Variants in IL1RAPL1 observed in about 807,000 individuals in gnomAD.
IL1RAPL1 encodes the protein interleukin-1 receptor accessory protein-like 1.
A neutral mutation model predicts 48.4 loss-of-function variants in IL1RAPL1; 3 were observed. The ratio of observed to expected loss-of-function variants is 0.06; its 90% confidence interval spans 0.03 to 0.16. The LOEUF is 0.16. Among genes scored for constraint, IL1RAPL1 ranks in the 10% least tolerant of loss-of-function variants. The probability of loss-of-function intolerance (pLI) is 1.00; values close to 1 mark genes in which losing one functional copy is unlikely to be tolerated. For missense variants in IL1RAPL1, 349 were observed against 530.6 expected, an observed-to-expected ratio of 0.66 and a Z score of 3.36; for synonymous variants, 185 against 187.7, an observed-to-expected ratio of 0.99 and a Z score of 0.12.
At chrX:28,818,630 G>A (rs1158247407) in intron 2 of IL1RAPL1, among the ~76,000 whole-genome samples, 1 of 110,614 alleles carries the variant, frequency 9.0e-6, no homozygotes, top group African/African-American at 3.3e-5. Context: ...CCTGGTTGAG[G>A]TTTGCTGTTT....
rs142342562 is a variant in IL1RAPL1, at chrX:28,860,980, T to C, written c.82+71555T>C. 9.0e-3 allele frequency among the ~76,000 whole-genome samples: 1,005 copies of C among 111,457 alleles called. 13 individuals are homozygous for C. Among genetic ancestry groups the C allele is most frequent in the African/African-American group, 0.031 (949 of 30,714 alleles). On this transcript the variant is annotated intron_variant, in intron 2 of 10. Transcript: ENST00000378993. The stretch of plus-strand genomic sequence containing the variant: ...ACTATCATATAAATTCTGTTAACTA[T>C]GTTTTATTGTTCCCTGTTGTAAATT...
intron 6 of IL1RAPL1, among the ~76,000 whole-genome samples, chrX:29,678,874 T>G (rs965926476): frequency 9.1e-6 from 1 of 109,609 alleles, no homozygotes; most frequent in East Asian, 2.8e-4. Context: ...AGATCTGGTC[T>G]ACAACAAGCA....
intron 2 of IL1RAPL1, among the ~76,000 whole-genome samples, chrX:29,186,511 A>C (rs1930254896): frequency 9.0e-6 from 1 of 111,576 alleles, no homozygotes; most frequent in Non-Finnish European, 1.9e-5. Flanking sequence ...CCTAGTAGAA[A>C]GGAAAGAAAG....
intron 6 of IL1RAPL1, among the ~76,000 whole-genome samples, chrX:29,722,439 A>T (rs1381379376): frequency 8.9e-6 from 1 of 112,471 alleles, no homozygotes; most frequent in Admixed American, 9.4e-5. Flanking sequence ...TAACTGCAAT[A>T]TATCTGAATC....
chrX:28,969,082 A>G (rs368555371), intron 2 of IL1RAPL1, among the ~76,000 whole-genome samples: 8 of 112,545 alleles, frequency 7.1e-5, no homozygotes, highest in African/African-American at 2.6e-4. Flanking sequence ...GGTTAAGCCA[A>G]CTAATGGACA....
intron 2 of IL1RAPL1, among the ~76,000 whole-genome samples, chrX:28,980,877 G>A (rs1039693791): frequency 5.6e-5 from 6 of 107,283 alleles, no homozygotes; most frequent in African/African-American, 1.7e-4. Flanking sequence ...TCTCTTGAGC[G>A]CAAGAGTTTG....
intron 2 of IL1RAPL1, among the ~76,000 whole-genome samples, chrX:28,887,091 A>G (rs1391595827): frequency 2.7e-5 from 3 of 111,851 alleles, no homozygotes; most frequent in Non-Finnish European, 5.6e-5. Context: ...TATGGCTCGA[A>G]TGCCTCCTCC....
At chrX:28,818,550 A>G (rs1005608281) in intron 2 of IL1RAPL1, among the ~76,000 whole-genome samples, 1 of 110,780 alleles carries the variant, frequency 9.0e-6, no homozygotes, top group Non-Finnish European at 1.9e-5. Flanking sequence ...AAATACAACA[A>G]CATAAATACA....
At chrX:28,960,238 T>C (rs1173388087) in intron 2 of IL1RAPL1, among the ~76,000 whole-genome samples, 2 of 111,819 alleles carry the variant, frequency 1.8e-5, no homozygotes, top group Admixed American at 1.9e-4. Context: ...CATTAATTTT[T>C]CTCCTGAATA....
rs181991795 is a variant in IL1RAPL1, at chrX:28,993,677, C to T, written c.82+204252C>T. On this transcript the variant is annotated intron_variant, in intron 2 of 10. Transcript: ENST00000378993. ...AGTAAATTATTAAAGGAAATCTAAACGGACAATTTGCATTATCTTTGAGTA... is the reference window on the plus strand; with the variant it reads ...AGTAAATTATTAAAGGAAATCTAAATGGACAATTTGCATTATCTTTGAGTA... 8.0e-5 allele frequency among the ~76,000 whole-genome samples: 9 copies of T among 111,947 alleles called. No homozygotes were observed. The East Asian group carries it at 8.4e-4, about 10-fold the overall frequency.
At chrX:28,654,998 G>A (rs1054933954) in intron 1 of IL1RAPL1, among the ~76,000 whole-genome samples, 1 of 111,167 alleles carries the variant, frequency 9.0e-6, no homozygotes. Flanking sequence ...CTGGGAAAGG[G>A]GTGCCGTTGG....
chrX:29,811,653 G>T (rs1930383830), intron 6 of IL1RAPL1, among the ~76,000 whole-genome samples: 1 of 111,129 alleles, frequency 9.0e-6, no homozygotes, highest in Admixed American at 9.6e-5. Flanking sequence ...GATTACCAAA[G>T]AGCACAAGAA....
intron 2 of IL1RAPL1, among the ~76,000 whole-genome samples, chrX:29,015,824 A>G (rs1926229438): frequency 9.0e-6 from 1 of 111,053 alleles, no homozygotes; most frequent in Non-Finnish European, 1.9e-5. Context: ...AGTCATTGAA[A>G]TAACAGGACA....
chrX:29,215,717 A>G (rs1029648848), intron 2 of IL1RAPL1, among the ~76,000 whole-genome samples: 1 of 112,066 alleles, frequency 8.9e-6, no homozygotes, highest in Non-Finnish European at 1.9e-5. Flanking sequence ...TCTTGAGGCT[A>G]TGTCTTTTTT....
At chrX:29,756,124 ACT>A (rs1298830097) in intron 6 of IL1RAPL1, among the ~76,000 whole-genome samples, 1 of 111,677 alleles carries the variant, frequency 9.0e-6, no homozygotes, top group African/African-American at 3.3e-5. Flanking sequence ...TGTGTATTTG[ACT>A]CTCAGTAAAT....
rs181868212 is a variant in IL1RAPL1, at chrX:28,806,121, A to G, written c.82+16696A>G. On this transcript the variant is annotated intron_variant, in intron 2 of 10. Coordinates refer to ENST00000378993, the MANE Select transcript of IL1RAPL1 (RefSeq NM_014271.4). ...ATAGCATTATTTGACCAATTGTTAT[A>G]TAAGCAAATGAATAATTTTAACTTA... Among the ~76,000 whole-genome samples the G allele has an allele frequency of 6.1e-3, 681 of 112,070 alleles. 2 individuals carry two copies. Among genetic ancestry groups the G allele is most frequent in the Non-Finnish European group, 0.011 (568 of 53,072 alleles).
At chrX:29,372,833 T>C (rs1289931019) in intron 3 of IL1RAPL1, among the ~76,000 whole-genome samples, 4 of 103,755 alleles carry the variant, frequency 3.9e-5, no homozygotes, top group African/African-American at 1.4e-4. Context: ...TGTAGCCTTA[T>C]GGTATAGTTC....
At chrX:29,601,650 C>G (rs1432837564) in intron 5 of IL1RAPL1, among the ~76,000 whole-genome samples, 1 of 112,040 alleles carries the variant, frequency 8.9e-6, no homozygotes, top group East Asian at 2.8e-4. Flanking sequence ...TTAATAATAT[C>G]TGAATGAGAC....
At chrX:29,139,358 A>AAT (rs1295085786) in intron 2 of IL1RAPL1, among the ~76,000 whole-genome samples, 1 of 110,942 alleles carries the variant, frequency 9.0e-6, no homozygotes, top group African/African-American at 3.3e-5. Flanking sequence ...GTAAAAAAAA[A>AAT]ATAGAGCAGC....
Sources: allele counts gnomAD v4.1 joint callset (sites outside exome capture counted in the v4.1 genomes callset), GRCh38; gene constraint gnomAD v4.1.1; transcripts MANE v1.5; gene names NCBI Gene and HGNC (gene_info 2026-07-23, HGNC 2026-07-21).